FCN1: variants seen among roughly 807,000 people sequenced by gnomAD.
The protein encoded by FCN1 is ficolin 1, also known as ficolin-1.
FCN1 carries 42 observed loss-of-function variants against 35.6 expected under a neutral mutation model. That is an observed-to-expected ratio of 1.18 (90% CI 0.92 to 1.53). The LOEUF is 1.53. FCN1 is among the 40% of genes most tolerant of loss of function. The pLI is 0.00. For synonymous variants in FCN1, 179 were observed against 169.8 expected (o/e 1.05, Z -0.42); for missense variants, 439 against 428.4 (o/e 1.02, Z -0.22).
chr9:134,913,073 G>T lies in FCN1; in HGVS notation c.411C>A (p.Pro137=). 6.2e-7 allele frequency: 1 copy of T among 1,613,478 alleles called. No homozygotes were observed. Among genetic ancestry groups the T allele is most frequent in the Non-Finnish European group, 8.5e-7 (1 of 1,179,804 alleles). The change falls in exon 6 of 9, where the codon CCC becomes CCA. Residue 137 remains proline, a synonymous_variant. Coordinates refer to ENST00000371806, the MANE Select transcript of FCN1 (RefSeq NM_002003.5). ...FLSGWHTIYL[P]DCRPLTVLCD... ...AGAGCACAGTCAGGGGCCGGCAGTCGGGCAGGTAGATGGTGTGCCAGCCGC... is the reference window on the plus strand; with the variant it reads ...AGAGCACAGTCAGGGGCCGGCAGTCTGGCAGGTAGATGGTGTGCCAGCCGC...
intron 2 of FCN1, among the ~76,000 whole-genome samples, chr9:134,915,196 G>C (rs2989723): frequency 6.6e-6 from 1 of 151,968 alleles, no homozygotes; most frequent in African/African-American, 2.4e-5. Context: ...ATCCTACCAC[G>C]TCCCCACACG....
At chr9:134,915,380 G>T (rs1488903532) in intron 2 of FCN1, among the ~76,000 whole-genome samples, 1 of 152,190 alleles carries the variant, frequency 6.6e-6, no homozygotes, top group African/African-American at 2.4e-5. Flanking sequence ...GACCCCAGTG[G>T]CTGGGGAGAG....
intron 6 of FCN1, 49 bp from the exon 7 acceptor site, chr9:134,912,664 A>G (rs541621552): frequency 3.1e-6 from 5 of 1,612,974 alleles, no homozygotes; most frequent in African/African-American, 2.7e-5. Flanking sequence ...CCGAGGTCCC[A>G]CAGCACCGGG....
At position 134,914,693 on chromosome 9, in the gene FCN1, T is replaced by C. The variant is rs906895032; in HGVS notation, c.271+63A>G. Reference sequence around the variant, plus strand: ...TCTGTCTCTGTCTCTCCCTCCCTCATTTCATTACAGACAGCTCCAAGGTCC... The same window carrying C: ...TCTGTCTCTGTCTCTCCCTCCCTCACTTCATTACAGACAGCTCCAAGGTCC... On this transcript the variant is annotated intron_variant, in intron 3 of 8. Coordinates refer to ENST00000371806, the MANE Select transcript of FCN1 (RefSeq NM_002003.5). 1.0e-5 allele frequency: 12 copies of C among 1,198,408 alleles called. No homozygotes were observed. The Admixed American group carries it at 1.8e-4, about 18-fold the overall frequency. The allele number at this position is 1,198,408 out of a possible 1,614,324, so 74.2% of individuals were successfully genotyped here.
At chr9:134,910,990 A>G in intron 8 of FCN1, 143 bp downstream of exon 8, 1 of 886,108 alleles carries the variant, frequency 1.1e-6, no homozygotes, top group Non-Finnish European at 1.8e-6. Context: ...CGCTGTACAG[A>G]GACACAAATG....
At chr9:134,914,600 GGTCCCT>G (rs1831068322) in intron 3 of FCN1, among the ~76,000 whole-genome samples, 150 bp downstream of exon 3, 2 of 152,092 alleles carry the variant, frequency 1.3e-5, no homozygotes, top group Admixed American at 1.3e-4. Flanking sequence ...AATATCCCAG[GGTCCCT>G]GTCCGCCTGC....
rs1258182133 is a variant in FCN1, at chr9:134,917,794, A to G, written c.78T>C (p.Pro26=). 1 of 1,613,862 alleles carries G rather than the reference A, an allele frequency of 6.2e-7. No homozygotes were observed. The highest frequency in any genetic ancestry group is 1.3e-5 in the African/African-American group (1 of 75,052). Residue 26 remains proline (P), a synonymous_variant, in exon 1 of 9, where the codon CCT becomes CCC. Transcript: ENST00000371806. ...LVLFLHIKNL[P]AQAADTCPEV... ...CTGGACATGTGTCCGCAGCCTGGGCAGGCAGGTTCTTGATATGCAGGAACA... is the reference window on the plus strand; with the variant it reads ...CTGGACATGTGTCCGCAGCCTGGGCGGGCAGGTTCTTGATATGCAGGAACA...
rs926472652 is a variant in FCN1, at chr9:134,906,604, T to C, written c.*3194A>G. On this transcript the variant is annotated 3_prime_UTR_variant, in exon 9 of 9. Coordinates refer to ENST00000371806, the MANE Select transcript of FCN1 (RefSeq NM_002003.5). ...TGCAATGAGCTCAAAGTCTCTTAAA[T>C]ATGCCAATACCGTGTATAAACGCAC... 6.6e-6 allele frequency: 1 copy of C among 152,232 alleles called. No homozygotes were observed. Among genetic ancestry groups the C allele is most frequent in the Non-Finnish European group, 1.5e-5 (1 of 68,046 alleles). The allele number at this position is 152,232 out of a possible 1,614,324, so 9.4% of individuals were successfully genotyped here.
Position 134,913,112 on chromosome 9 carries a change from C to T in FCN1, c.372G>A (p.Arg124=), listed in dbSNP as rs769946049. The T allele has an allele frequency of 4.3e-6, 7 of 1,613,850 alleles. No homozygotes were observed. Among genetic ancestry groups the T allele is most frequent in the Admixed American group, 3.3e-5 (2 of 59,972 alleles). The change falls in exon 6 of 9, where the codon CGG becomes CGA. Residue 124 remains arginine, a synonymous_variant. Transcript: ENST00000371806. ...GPRNCKDLLD[R]GYFLSGWHTI... ...TGTGCCAGCCGCTCAGGAAATACCC[C>T]CGGTCTAGCAGGTCCTTGCAGTTGC... is the stretch of plus-strand genomic sequence containing the variant.
At chr9:134,913,248 G>A (rs1397776837) in intron 5 of FCN1, 105 bp from the exon 6 acceptor site, 5 of 1,463,786 alleles carry the variant, frequency 3.4e-6, no homozygotes, top group Admixed American at 1.9e-5. Context: ...AGGCTTCTGT[G>A]CGGACCGAGC....
Position 134,909,891 on chromosome 9 carries a change from G to GCATA in FCN1, c.887_888insTATG (p.His297MetfsTer3). The GCATA allele has an allele frequency of 6.2e-7, 1 of 1,614,080 alleles. No individual in the cohort carries two copies. The highest frequency in any genetic ancestry group is 8.5e-7 in the Non-Finnish European group (1 of 1,180,012). ...TGATACCATTGGCATAGCTCTCATGGGGTCCCATGAGGTAGAGACCATTGA... is the reference window on the plus strand; with the variant it reads ...TGATACCATTGGCATAGCTCTCATGGCATAGGTCCCATGAGGTAGAGACCATTGA... On this transcript the variant is annotated frameshift_variant, in exon 9 of 9. Coordinates refer to ENST00000371806, the MANE Select transcript of FCN1 (RefSeq NM_002003.5). LOFTEE classifies it low-confidence loss of function (END_TRUNC).
At chr9:134,915,079 T>C (rs1194938127) in intron 2 of FCN1, among the ~76,000 whole-genome samples, 1 of 152,114 alleles carries the variant, frequency 6.6e-6, no homozygotes, top group African/African-American at 2.4e-5. Flanking sequence ...CAACCTGGGT[T>C]TCACACTCTG....
At position 134,905,691 on chromosome 9, in the gene FCN1, A is replaced by G. The variant is rs558404039; in HGVS notation, c.*4107T>C. Among the ~76,000 whole-genome samples, 39 of 151,488 alleles carry G rather than the reference A, an allele frequency of 2.6e-4. No individual in the cohort carries two copies. In the South Asian group the frequency reaches 4.8e-3, roughly 19 times the overall value. ...AGTAGAGACGGGGTTTCATCATGTT[A>G]GCCAGGATGGTCTTGATCTCCTGAC... is the stretch of plus-strand genomic sequence containing the variant. On this transcript the variant is annotated 3_prime_UTR_variant, in exon 9 of 9. Transcript: ENST00000371806.
At chr9:134,913,270 G>T (rs754168733) in intron 5 of FCN1, 127 bp from the exon 6 acceptor site, 42 of 1,302,526 alleles carry the variant, frequency 3.2e-5, no homozygotes, top group Non-Finnish European at 4.4e-5. Flanking sequence ...GGACTCCGAG[G>T]CCTGGACAGG....
At chr9:134,915,101 C>T (rs926745823) in intron 2 of FCN1, among the ~76,000 whole-genome samples, 2 of 152,140 alleles carry the variant, frequency 1.3e-5, no homozygotes, top group Admixed American at 6.5e-5. Flanking sequence ...TGACCATAAG[C>T]CTGGACCCAA....
intron 8 of FCN1, 101 bp from the exon 9 acceptor site, chr9:134,910,146 GCGACGCAT>G (rs1831005030): frequency 4.5e-6 from 5 of 1,120,066 alleles, no homozygotes; most frequent in Admixed American, 1.7e-5. Context: ...CCTCACTTTA[GCGACGCAT>G]GAGCCGAGCT....
Position 134,917,788 on chromosome 9 carries a change from C to T in FCN1, c.84G>A (p.Gln28=). The change falls in exon 1 of 9, where the codon CAG becomes CAA. Residue 28 remains glutamine, a synonymous_variant. Transcript: ENST00000371806. ...LFLHIKNLPA[Q]AADTCPEVKV... ...TCTCACCTGGACATGTGTCCGCAGC[C>T]TGGGCAGGCAGGTTCTTGATATGCA... The T allele has an allele frequency of 6.2e-7, 1 of 1,613,844 alleles. No individual in the cohort carries two copies. The highest frequency in any genetic ancestry group is 1.1e-5 in the South Asian group (1 of 91,066).
intron 8 of FCN1, among the ~76,000 whole-genome samples, chr9:134,910,471 C>T (rs1233108457): frequency 6.6e-6 from 1 of 152,178 alleles, no homozygotes; most frequent in East Asian, 1.9e-4. Context: ...TCATCCCTGG[C>T]TCCTATAGCT....
Position 134,909,567 on chromosome 9 carries a change from A to G in FCN1, c.*231T>C. On this transcript the variant is annotated 3_prime_UTR_variant, in exon 9 of 9. Transcript: ENST00000371806. ...AAAACCACTGGTGTTCAAGAAACAC[A>G]CATTGAAACTGGTAAAACTTTTCTG... 6.9e-7 allele frequency: 1 copy of G among 1,454,494 alleles called. No individual in the cohort carries two copies. 90.1% of individuals were successfully genotyped at this position (1,454,494 alleles called of 1,614,324 possible).
Sources: allele counts gnomAD v4.1 joint callset (sites outside exome capture counted in the v4.1 genomes callset), GRCh38; gene constraint gnomAD v4.1.1; transcripts MANE v1.5; gene names NCBI Gene and HGNC (gene_info 2026-07-23, HGNC 2026-07-21).